The following SNRPN variants were observed in gnomAD, a reference collection of about 807,000 sequenced individuals.
SNRPN encodes small nuclear ribonucleoprotein polypeptide N.
A neutral mutation model predicts 25.2 loss-of-function variants in SNRPN; 7 were observed. The ratio of observed to expected loss-of-function variants is 0.28; its 90% CI spans 0.16 to 0.52. SNRPN has a LOEUF of 0.52. Ranked by LOEUF, SNRPN falls within the 20% of genes least tolerant of loss-of-function variation. SNRPN has a pLI of 0.96. For synonymous variants in SNRPN, 124 were observed against 110.6 expected, an observed-to-expected ratio of 1.12 and a Z score of -0.76; for missense variants, 196 against 322.5, an observed-to-expected ratio of 0.61 and a Z score of 3.00.
chr15:24,860,230 A>C (rs115253469), intron 1 of SNRPN, among the ~76,000 whole-genome samples: 106 of 152,262 alleles, frequency 7.0e-4, no homozygotes, highest in African/African-American at 2.5e-3. Flanking sequence ...ATAAATGAAT[A>C]ATCAAATTTT....
chr15:24,858,456 T>G (rs920555636), intron 1 of SNRPN, among the ~76,000 whole-genome samples: 1 of 115,234 alleles, frequency 8.7e-6, no homozygotes, highest in African/African-American at 2.6e-5. Flanking sequence ...TTCCTCAACC[T>G]GAATTGAACA....
At chr15:24,831,753 A>AT (rs2050542945) in intron 2 of SNRPN, among the ~76,000 whole-genome samples, 1 of 152,014 alleles carries the variant, frequency 6.6e-6, no homozygotes, top group East Asian at 1.9e-4. Flanking sequence ...GGCATATTTC[A>AT]TTTAACATAT....
intron 2 of SNRPN, among the ~76,000 whole-genome samples, chr15:24,837,101 T>C (rs1236916811): frequency 1.3e-5 from 2 of 152,002 alleles, no homozygotes; most frequent in Non-Finnish European, 1.5e-5. Flanking sequence ...GTAGCTTCAA[T>C]GTATAAATCT....
At chr15:24,913,284 AG>A (rs1310277561) in intron 2 of SNRPN, among the ~76,000 whole-genome samples, 3 of 152,184 alleles carry the variant, frequency 2.0e-5, no homozygotes, top group Non-Finnish European at 4.4e-5. Flanking sequence ...TAAGATACTC[AG>A]GAAAACAGAG....
exon 2 of SNRPN, chr15:24,829,884 C>T (rs571569609): frequency 6.6e-6 from 1 of 152,234 alleles, no homozygotes; most frequent in Admixed American, 6.5e-5. Context: ...TGAGAGCATC[C>T]TAACAGCAAA....
intron 1 of SNRPN, among the ~76,000 whole-genome samples, chr15:24,885,750 G>GTGTGTA (rs1215793099): frequency 6.6e-6 from 1 of 151,052 alleles, no homozygotes; most frequent in Non-Finnish European, 1.5e-5. Context: ...GTGTGTGTGT[G>GTGTGTA]TGTATGTCTG....
chr15:24,946,660 G>A (rs2061910246), intron 3 of SNRPN, among the ~76,000 whole-genome samples: 1 of 152,144 alleles, frequency 6.6e-6, no homozygotes, highest in Non-Finnish European at 1.5e-5. Flanking sequence ...AGTAGAGATG[G>A]GGTCTCCCTA....
intron 2 of SNRPN, chr15:24,909,754 T>G: frequency 7.8e-7 from 1 of 1,276,230 alleles, no homozygotes; most frequent in Non-Finnish European, 1.1e-6. Flanking sequence ...TACCCTCTCA[T>G]CATCGTCTTC....
At chr15:24,827,927 TAA>T in intron 1 of SNRPN, among the ~76,000 whole-genome samples, 1 of 149,560 alleles carries the variant, frequency 6.7e-6, no homozygotes, top group Non-Finnish European at 1.5e-5. Flanking sequence ...TGTCACAAGA[TAA>T]GATAAATTTT....
chr15:24,972,673 G>A (rs924685025), intron 3 of SNRPN, among the ~76,000 whole-genome samples: 6 of 150,398 alleles, frequency 4.0e-5, no homozygotes, highest in Admixed American at 1.3e-4. Context: ...TTTTTAATTA[G>A]TATGATAAGC....
At chr15:24,960,128 G>A (rs562873711) in intron 1 of SNRPN, among the ~76,000 whole-genome samples, 1 of 152,184 alleles carries the variant, frequency 6.6e-6, no homozygotes, top group Admixed American at 6.5e-5. Flanking sequence ...AGCTGGGTGT[G>A]GTGGTGCATG....
At chr15:24,868,274 G>T (rs909752549) in intron 1 of SNRPN, among the ~76,000 whole-genome samples, 1 of 152,138 alleles carries the variant, frequency 6.6e-6, no homozygotes, top group Non-Finnish European at 1.5e-5. Flanking sequence ...CTGATAGAGT[G>T]TTATTTGAAA....
rs560897663 is a variant in SNRPN, at chr15:24,874,043, G to A, written c.-578-12473G>A. Among the ~76,000 whole-genome samples the A allele has an allele frequency of 6.9e-4, 104 of 150,698 alleles. 1 individual carries two copies. Among genetic ancestry groups the A allele is most frequent in the Admixed American group, 2.0e-3 (31 of 15,128 alleles). On this transcript the variant is annotated intron_variant, in intron 1 of 11. Coordinates refer to the SNRPN transcript ENST00000400097. ...AAAAAAAAAAAAGGCTGCCCGCTGC[G>A]GTGGCTCACGCCTGTAATCCACTTT... is the stretch of plus-strand genomic sequence containing the variant.
intron 1 of SNRPN, among the ~76,000 whole-genome samples, chr15:24,959,886 C>T (rs919625398): frequency 6.6e-6 from 1 of 152,064 alleles, no homozygotes; most frequent in Non-Finnish European, 1.5e-5. Flanking sequence ...TTTACTTAGC[C>T]CTCGTATATG....
At chr15:24,919,829 T>C (rs879794736) in intron 2 of SNRPN, among the ~76,000 whole-genome samples, 2 of 152,212 alleles carry the variant, frequency 1.3e-5, no homozygotes, top group Admixed American at 6.5e-5. Flanking sequence ...GACTAATGTT[T>C]GATCAAGCAA....
chr15:24,844,483 G>A (rs558127465), intron 2 of SNRPN, among the ~76,000 whole-genome samples: 2 of 152,186 alleles, frequency 1.3e-5, no homozygotes, highest in Admixed American at 1.3e-4. Context: ...GTCTGTCAAA[G>A]AGCAGCATTT....
chr15:24,918,394 G>A lies in SNRPN; in HGVS notation c.-504-1617G>A, dbSNP rs1481911875. 7.5e-3 allele frequency among the ~76,000 whole-genome samples: 636 copies of A among 85,298 alleles called. 4 individuals carry two copies. Among genetic ancestry groups the A allele is most frequent in the South Asian group, 0.014 (29 of 2,130 alleles). The allele number at this position is 85,298 out of a possible 152,430, so 56.0% of individuals were successfully genotyped here. On this transcript the variant is annotated intron_variant, in intron 2 of 11. Transcript: ENST00000400097. Reference sequence around the variant, plus strand: ...TATATATATAACATAATATATATGTGTATATATATAACATAATATATATGT... The same window carrying A: ...TATATATATAACATAATATATATGTATATATATATAACATAATATATATGT...
intron 2 of SNRPN, among the ~76,000 whole-genome samples, chr15:24,886,929 C>T (rs2057250174): frequency 6.6e-6 from 1 of 152,138 alleles, no homozygotes; most frequent in African/African-American, 2.4e-5. Flanking sequence ...ATCCTCTTTA[C>T]TTAGGACCCT....
intron 2 of SNRPN, chr15:24,908,963 A>G: frequency 7.3e-7 from 1 of 1,364,596 alleles, no homozygotes; most frequent in South Asian, 1.2e-5. Context: ...AGCTCTGAGG[A>G]AGCTTGCATT....
Sources: gnomAD v4.1 joint callset for allele counts (sites outside exome capture counted in the v4.1 genomes callset) on GRCh38, gnomAD v4.1.1 for gene constraint, MANE v1.5 for transcripts, NCBI Gene and HGNC (gene_info 2026-07-23, HGNC 2026-07-21) for gene names.